ZFAND1: variants seen among roughly 807,000 people sequenced by gnomAD.
ZFAND1 encodes the protein zinc finger AN1-type containing 1.
A neutral mutation model predicts 38.5 loss-of-function variants in ZFAND1; 40 were observed. The observed-to-expected ratio is 1.04, with a 90% CI of 0.81 to 1.35. ZFAND1 has a LOEUF of 1.35. Ranked by LOEUF, ZFAND1 falls within the 40% of genes most tolerant of loss-of-function variation. The pLI, the probability that ZFAND1 is intolerant of heterozygous loss-of-function variation, is 0.00. For synonymous variants in ZFAND1, 117 were observed against 103.6 expected, an observed-to-expected ratio of 1.13 and a Z score of -0.78; for missense variants, 346 against 316.3, an observed-to-expected ratio of 1.09 and a Z score of -0.71.
At chr8:81,720,648 C>A (rs1808443901) in intron 1 of ZFAND1, 1 of 152,722 alleles carries the variant, frequency 6.5e-6, no homozygotes, top group Admixed American at 6.5e-5. Context: ...CTGACAGCTA[C>A]GTAACAGATA....
At chr8:81,709,436 AT>A (rs201921809) in intron 6 of ZFAND1, among the ~76,000 whole-genome samples, 24 of 151,618 alleles carry the variant, frequency 1.6e-4, no homozygotes, top group East Asian at 1.4e-3. Flanking sequence ...TATAGAAAGT[AT>A]TTTTTTTTAA....
In ZFAND1 at chr8:81,714,807, T is replaced by C. The variant is rs148193701; in HGVS notation, c.355A>G (p.Ile119Val). The C allele has an allele frequency of 1.2e-6, 2 of 1,613,750 alleles. No individual in the cohort carries two copies. Among genetic ancestry groups the C allele is most frequent in the African/African-American group, 1.3e-5 (1 of 74,942 alleles). The stretch of plus-strand genomic sequence containing the variant: ...AACACGCTTTCTAGATACTTACCAA[T>C]AATGTCTTTAACAAGTTTCTGAGTG... ...AATQKLVKDIIDSKTGETASK... is the reference protein window; with the variant it reads ...AATQKLVKDIVDSKTGETASK... Residue 119 changes from isoleucine to valine, a missense_variant, in exon 5 of 8, where the codon ATT (isoleucine) becomes GTT (valine). Transcript: ENST00000220669.
chr8:81,712,363 C>T (rs771154298), intron 6 of ZFAND1, among the ~76,000 whole-genome samples: 1 of 152,074 alleles, frequency 6.6e-6, no homozygotes, highest in Non-Finnish European at 1.5e-5. Context: ...TATTATTCAA[C>T]ATTGTTCTGA....
At chr8:81,717,489 C>T (rs1246607605) in intron 2 of ZFAND1, among the ~76,000 whole-genome samples, 3 of 152,084 alleles carry the variant, frequency 2.0e-5, no homozygotes, top group Non-Finnish European at 4.4e-5. Context: ...AAATGTTCAA[C>T]TTCAATATGA....
rs187408313 is a variant in ZFAND1, at chr8:81,703,601, T to C, written c.481-477A>G. On this transcript the variant is annotated intron_variant, in intron 6 of 7. Transcript: ENST00000220669. ...CCAGGCCCAGCTAATTTTTGTACTT[T>C]TACTAGAGACGGGCTTTCACCATGT... is the stretch of plus-strand genomic sequence containing the variant. Among the ~76,000 whole-genome samples, 204 of 152,284 alleles carry C rather than the reference T, an allele frequency of 1.3e-3. 1 individual carries two copies. The highest frequency in any genetic ancestry group is 2.3e-3 in the Non-Finnish European group (158 of 68,014).
At chr8:81,705,972 G>A (rs1003972673) in intron 6 of ZFAND1, among the ~76,000 whole-genome samples, 2 of 152,110 alleles carry the variant, frequency 1.3e-5, no homozygotes, top group Non-Finnish European at 2.9e-5. Context: ...AAGAGATTCA[G>A]AAAAGAAGAA....
At chr8:81,704,952 CTT>C (rs5892768) in intron 6 of ZFAND1, among the ~76,000 whole-genome samples, 2 of 150,622 alleles carry the variant, frequency 1.3e-5, no homozygotes, top group East Asian at 1.9e-4. Context: ...ATAGCCTTAT[CTT>C]TTTTTTTTAA....
At chr8:81,702,917 A>G (rs1466344839) in intron 7 of ZFAND1, 52 bp from the exon 8 acceptor site, 2 of 1,527,640 alleles carry the variant, frequency 1.3e-6, no homozygotes, top group Non-Finnish European at 1.8e-6. Flanking sequence ...GCTTGAATGG[A>G]GCATCATAAA....
intron 6 of ZFAND1, chr8:81,708,891 A>T (rs1479470307): frequency 1.2e-6 from 1 of 840,588 alleles, no homozygotes; most frequent in African/African-American, 1.9e-5. Flanking sequence ...TGATTAAAAA[A>T]CTAGAGCCAC....
At chr8:81,721,204 G>C (rs978179595) in intron 1 of ZFAND1, 23 bp downstream of exon 1, 1 of 1,546,644 alleles carries the variant, frequency 6.5e-7, no homozygotes. Flanking sequence ...GCCGGGGATG[G>C]GGGCTGGAAG....
chr8:81,717,341 C>T (rs1563610343), intron 2 of ZFAND1, 53 bp from the exon 3 acceptor site: 1 of 1,386,174 alleles, frequency 7.2e-7, no homozygotes, highest in Non-Finnish European at 9.6e-7. Flanking sequence ...AAGATAACTG[C>T]AGAAATTTGC....
rs1807852573 is a variant in ZFAND1, at chr8:81,702,858, C to T, written c.644G>A (p.Arg215Lys). Reference sequence around the variant, plus strand: ...TTCTCCTGAAGTAATGTGACACAGCCTTAATTTCTGTGAAGGGAGAAGTAA... The same window carrying T: ...TTCTCCTGAAGTAATGTGACACAGCTTTAATTTCTGTGAAGGGAGAAGTAA... ...DNNKFTAKKL[R>K]LCHITSGEAL... Residue 215 changes from arginine to lysine, a missense_variant, in exon 8 of 8, where the codon AGG (arginine) becomes AAG (lysine). Coordinates refer to ENST00000220669, the MANE Select transcript of ZFAND1 (RefSeq NM_024699.3). 1 of 1,584,246 alleles carries T rather than the reference C, an allele frequency of 6.3e-7. No homozygotes were observed. The highest frequency in any genetic ancestry group is 1.9e-5 in the Admixed American group (1 of 53,608).
chr8:81,715,603 T>C (rs1200316832), intron 3 of ZFAND1, among the ~76,000 whole-genome samples: 1 of 152,090 alleles, frequency 6.6e-6, no homozygotes, highest in African/African-American at 2.4e-5. Flanking sequence ...TTTCATATTT[T>C]TATTACCAGC....
At position 81,715,212 on chromosome 8, in the gene ZFAND1, A is replaced by G. The variant is rs1321261402; in HGVS notation, c.139-98T>C. ...GCAGTATTCATTTTATTTTTGCTTA[A>G]ACTTATTAGAGCAAGTTACTTACTC... On this transcript the variant is annotated intron_variant, in intron 3 of 7. Coordinates refer to ENST00000220669, the MANE Select transcript of ZFAND1 (RefSeq NM_024699.3). 2.3e-6 allele frequency: 3 copies of G among 1,319,978 alleles called. No homozygotes were observed. In the Admixed American group the frequency reaches 6.6e-5, roughly 29 times the overall value. 81.8% of individuals were successfully genotyped at this position (1,319,978 alleles called of 1,614,324 possible). A position where few individuals can be genotyped will look rare whatever the true frequency, so the allele number is the denominator to read the frequency against.
At chr8:81,708,946 G>A (rs78070409) in intron 6 of ZFAND1, 16,263 of 307,266 alleles carry the variant, frequency 0.053, 530 homozygotes, top group Middle Eastern at 0.1. Flanking sequence ...AATTTGATTC[G>A]AAATGTGAAT....
chr8:81,703,316 G>A (rs1459210842), intron 6 of ZFAND1, among the ~76,000 whole-genome samples, 192 bp from the exon 7 acceptor site: 1 of 152,208 alleles, frequency 6.6e-6, no homozygotes, highest in African/African-American at 2.4e-5. Context: ...ACCCTGGCCA[G>A]GGTGATCTGT....
At chr8:81,710,694 T>A (rs924973064) in intron 6 of ZFAND1, among the ~76,000 whole-genome samples, 1 of 152,160 alleles carries the variant, frequency 6.6e-6, no homozygotes, top group Non-Finnish European at 1.5e-5. Flanking sequence ...TACATACTTG[T>A]TAAATATTCA....
At chr8:81,717,444 A>G (rs1808351012) in intron 2 of ZFAND1, among the ~76,000 whole-genome samples, 156 bp from the exon 3 acceptor site, 1 of 152,186 alleles carries the variant, frequency 6.6e-6, no homozygotes, top group Non-Finnish European at 1.5e-5. Flanking sequence ...TCAGATAAAG[A>G]TGGAGCATCT....
intron 5 of ZFAND1, 76 bp downstream of exon 5, chr8:81,714,728 A>G: frequency 7.7e-7 from 1 of 1,294,908 alleles, no homozygotes; most frequent in South Asian, 1.2e-5. Context: ...GATGCCTCCC[A>G]TAATTGGAAA....
Sources: gnomAD v4.1 joint callset for allele counts (sites outside exome capture counted in the v4.1 genomes callset) on GRCh38, gnomAD v4.1.1 for gene constraint, MANE v1.5 for transcripts, NCBI Gene and HGNC (gene_info 2026-07-23, HGNC 2026-07-21) for gene names.